ALOXE3: variants seen among roughly 807,000 people sequenced by gnomAD.
ALOXE3 encodes arachidonate epidermal lipoxygenase 3, also known as hydroperoxide isomerase ALOXE3.
Under a neutral mutation model 87.5 loss-of-function variants are expected in ALOXE3, and 78 were observed. The ratio of observed to expected loss-of-function variants is 0.89; its 90% CI spans 0.74 to 1.08. The LOEUF (loss-of-function observed/expected upper bound fraction) is 1.08, where lower values mean the gene tolerates loss of function less well. ALOXE3 is among the 50% of genes least tolerant of loss of function. The pLI, the probability that ALOXE3 is intolerant of heterozygous loss-of-function variation, is 0.00. For synonymous variants in ALOXE3, 363 were observed against 370.8 expected, an observed-to-expected ratio of 0.98 and a Z score of 0.24; for missense variants, 946 against 912.4, an observed-to-expected ratio of 1.04 and a Z score of -0.47.
chr17:8,107,965 G>GGAAA (rs200841890), intron 13 of ALOXE3, among the ~76,000 whole-genome samples: 104 of 6,290 alleles, frequency 0.017, 44 homozygotes, highest in East Asian at 0.027. Flanking sequence ...AAGAAAGGAA[G>GGAAA]GAGAGAGAGA....
chr17:8,109,681 G>GGCGGGGGCGGTGAGGCT (rs1377620292), intron 11 of ALOXE3, among the ~76,000 whole-genome samples: 1 of 151,220 alleles, frequency 6.6e-6, no homozygotes, highest in Non-Finnish European at 1.5e-5. Flanking sequence ...GGGGGCGGTG[G>GGCGGGGGCGGTGAGGCT]GCGGGGGCGG....
intron 3 of ALOXE3, 123 bp downstream of exon 3, chr17:8,116,653 A>T: frequency 1.7e-6 from 2 of 1,189,034 alleles, no homozygotes; most frequent in Non-Finnish European, 2.4e-6. Flanking sequence ...GAAAACATCT[A>T]CTTGGGAGCC....
upstream of ALOXE3, chr17:8,118,854 G>A (rs1263850079): frequency 3.3e-6 from 5 of 1,531,296 alleles, no homozygotes; most frequent in Non-Finnish European, 3.5e-6. Flanking sequence ...TGGGCCACTA[G>A]GGACTGGGGA....
In ALOXE3 at chr17:8,114,568, T is replaced by C. The variant is rs1400621765; in HGVS notation, c.596A>G (p.Asp199Gly). 6.2e-7 allele frequency: 1 copy of C among 1,613,770 alleles called. No individual in the cohort carries two copies. Among genetic ancestry groups the C allele is most frequent in the Non-Finnish European group, 8.5e-7 (1 of 1,179,892 alleles). ...CTCCATGTACATCAGGGATGGGATG[T>C]CAATTTTCATGGGGAAGCCGGGCAG... is the stretch of plus-strand genomic sequence containing the variant. ...RYLPGFPMKIDIPSLMYMEPN... is the reference protein window; with the variant it reads ...RYLPGFPMKIGIPSLMYMEPN... The change falls in exon 6 of 16, where the codon GAC becomes GGC. Residue 199 changes from aspartate (D) to glycine (G), a missense_variant. Transcript: ENST00000448843.
In ALOXE3 at chr17:8,110,215, C is replaced by T; in HGVS notation, c.1182G>A (p.Trp394Ter). 2 of 1,614,122 alleles carry T rather than the reference C, an allele frequency of 1.2e-6. No homozygotes were observed. The highest frequency in any genetic ancestry group is 1.7e-6 in the Non-Finnish European group (2 of 1,179,954). Residue 394 changes from tryptophan (W) to a stop codon, truncating the protein, a stop_gained, in exon 10 of 16, where the codon TGG becomes TGA. Transcript: ENST00000448843. LOFTEE classifies it high-confidence loss of function. ...SEWDWLLAKT[W>*]VRNSEFLVHE... ...GCACCAGGAACTCAGAGTTGCGCAC[C>T]CACGTCTTGGCCAGCAGCCAGTCCC...
chr17:8,108,972 T>A (rs1979755018), intron 12 of ALOXE3, among the ~76,000 whole-genome samples: 1 of 151,932 alleles, frequency 6.6e-6, no homozygotes, highest in South Asian at 2.1e-4. Context: ...TTCCCCTGCA[T>A]CCACACACCC....
chr17:8,112,802 A>G (rs1273987624), intron 6 of ALOXE3, among the ~76,000 whole-genome samples: 1 of 151,794 alleles, frequency 6.6e-6, no homozygotes, highest in East Asian at 1.9e-4. Flanking sequence ...CCTTCTTTTT[A>G]AGATGGGATC....
chr17:8,118,904 C>A, upstream of ALOXE3: 1 of 1,471,328 alleles, frequency 6.8e-7, no homozygotes, highest in Non-Finnish European at 8.9e-7. Context: ...AGCGGCCCCG[C>A]GCGGCCGGTT....
At position 8,105,583 on chromosome 17, in the gene ALOXE3, A is replaced by G. The variant is rs549304002; in HGVS notation, c.1685-1368T>C. 4.6e-5 allele frequency among the ~76,000 whole-genome samples: 7 copies of G among 152,310 alleles called. No homozygotes were observed. In the South Asian group the frequency reaches 6.2e-4, roughly 14 times the overall value. Reference sequence around the variant, plus strand: ...ACTACTAAACCTCAGCACCTAGAACAATACTTAATAAATACCAAGAGCCCG... The same window carrying G: ...ACTACTAAACCTCAGCACCTAGAACGATACTTAATAAATACCAAGAGCCCG... On this transcript the variant is annotated intron_variant, in intron 13 of 15. Coordinates refer to ENST00000448843, the MANE Select transcript of ALOXE3 (RefSeq NM_021628.3).
intron 13 of ALOXE3, among the ~76,000 whole-genome samples, chr17:8,105,586 A>G (rs917845962): frequency 2.6e-5 from 4 of 152,130 alleles, no homozygotes; most frequent in Admixed American, 2.0e-4. Context: ...CTAGAACAAT[A>G]CTTAATAAAT....
At chr17:8,114,410 G>A (rs1207540397) in intron 6 of ALOXE3, 74 bp downstream of exon 6, 41 of 1,604,038 alleles carry the variant, frequency 2.6e-5, no homozygotes, top group Non-Finnish European at 3.5e-5. Flanking sequence ...GGGAGAAGGG[G>A]CAGTCTGGGA....
In ALOXE3 at chr17:8,102,833, T is replaced by C. The variant is rs138614189; in HGVS notation, c.1956+490A>G. 4.8e-3 allele frequency among the ~76,000 whole-genome samples: 738 copies of C among 152,320 alleles called. 12 individuals carry two copies. Among genetic ancestry groups the C allele is most frequent in the East Asian group, 0.01 (53 of 5,182 alleles). On this transcript the variant is annotated intron_variant, in intron 15 of 15. Transcript: ENST00000448843. ...AGCTCACATGGACAAGTTTCATAGC[T>C]GCCCATAACAGTGTCTGGGTCACCA...
At chr17:8,115,570 A>T (rs778260417) in intron 4 of ALOXE3, 37 bp downstream of exon 4, 22 of 1,561,860 alleles carry the variant, frequency 1.4e-5, no homozygotes, top group Non-Finnish European at 1.9e-5. Flanking sequence ...AGGTCAGGAT[A>T]AAGATGGGGA....
At chr17:8,116,720 T>C (rs1980619576) in intron 3 of ALOXE3, 56 bp downstream of exon 3, 2 of 1,584,924 alleles carry the variant, frequency 1.3e-6, no homozygotes, top group Non-Finnish European at 1.7e-6. Flanking sequence ...GAGACCCCAC[T>C]CCTAATCCCA....
chr17:8,096,857 A>G (rs558669493), intron 15 of ALOXE3, 51 bp from the exon 16 acceptor site: 96 of 1,592,248 alleles, frequency 6.0e-5, no homozygotes, highest in Non-Finnish European at 8.1e-5. Flanking sequence ...TGGGATGGGG[A>G]ATAACGGAGG....
At chr17:8,098,763 G>A (rs1978731430) in intron 15 of ALOXE3, among the ~76,000 whole-genome samples, 2 of 152,006 alleles carry the variant, frequency 1.3e-5, no homozygotes, top group African/African-American at 4.8e-5. Flanking sequence ...TTATCATGGT[G>A]TGTTATTGTT....
chr17:8,112,239 A>G (rs1980160958), intron 6 of ALOXE3, 43 bp from the exon 7 acceptor site: 1 of 1,478,914 alleles, frequency 6.8e-7, no homozygotes, highest in Middle Eastern at 1.7e-4. Context: ...TGGGGGCTAG[A>G]GTCTGCTGGG....
upstream of ALOXE3, chr17:8,118,723 G>A (rs987728183): frequency 6.5e-7 from 1 of 1,537,288 alleles, no homozygotes; most frequent in Non-Finnish European, 8.7e-7. Context: ...AGTAGGGCAG[G>A]TCAGGAAAGC....
Position 8,110,135 on chromosome 17 carries a change from A to G in ALOXE3, c.1262T>C (p.Met421Thr). The G allele has an allele frequency of 6.2e-7, 1 of 1,613,812 alleles. No homozygotes were observed. The highest frequency in any genetic ancestry group is 1.1e-5 in the South Asian group (1 of 91,080). Residue 421 changes from methionine to threonine, a missense_variant, in exon 10 of 16, where the codon ATG becomes ACG. Transcript: ENST00000448843. ...CTHLLCEAFA[M>T]ATLRQLPLCH... ...GAGCGGCAGCTGGCGCAGCGTGGCC[A>G]TGGCGAAGGCCTCGCACAGCAAATG... is the stretch of plus-strand genomic sequence containing the variant.
Sources: gnomAD v4.1 joint callset for allele counts (sites outside exome capture counted in the v4.1 genomes callset) on GRCh38, gnomAD v4.1.1 for gene constraint, MANE v1.5 for transcripts, NCBI Gene and HGNC (gene_info 2026-07-23, HGNC 2026-07-21) for gene names.